CATSPERZ: variants seen among roughly 807,000 people sequenced by gnomAD.
The protein encoded by CATSPERZ is cation channel sperm-associated auxiliary subunit zeta.
CATSPERZ carries 21 observed loss-of-function variants against 21.7 expected under a neutral mutation model. The ratio of observed to expected loss-of-function variants is 0.97; its 90% CI spans 0.69 to 1.39. CATSPERZ has a LOEUF of 1.39. Among genes scored for constraint, CATSPERZ ranks in the 40% most tolerant of loss-of-function variants. The pLI is 0.00. For synonymous variants in CATSPERZ, 127 were observed against 108.7 expected, an observed-to-expected ratio of 1.17 and a Z score of -1.05; for missense variants, 234 against 259.5, an observed-to-expected ratio of 0.90 and a Z score of 0.68.
In CATSPERZ at chr11:64,304,618, G is replaced by C; in HGVS notation, c.575G>C (p.Arg192Pro). ...CGATACATCGAAGGGCTCAAGAAGC[G>C]CCGGAGCAAGAGGCTGTACGTGAAT... is the stretch of plus-strand genomic sequence containing the variant. ...LQRYIEGLKK[R>P]RSKRLYVN Residue 192 changes from arginine (R) to proline (P), a missense_variant, in exon 5 of 5, where the codon CGC (arginine) becomes CCC (proline). Transcript: ENST00000328404. 1.3e-6 allele frequency: 2 copies of C among 1,579,700 alleles called. No homozygotes were observed. The highest frequency in any genetic ancestry group is 1.7e-6 in the Non-Finnish European group (2 of 1,163,664).
chr11:64,301,118 C>T, intron 2 of CATSPERZ, 131 bp downstream of exon 2: 5 of 938,454 alleles, frequency 5.3e-6, no homozygotes. Flanking sequence ...GAGAGGCGCC[C>T]GCGCCAATCT....
Position 64,300,778 on chromosome 11 carries a change from T to G in CATSPERZ, c.143T>G (p.Val48Gly). 1 of 1,554,550 alleles carries G rather than the reference T, an allele frequency of 6.4e-7. No homozygotes were observed. The highest frequency in any genetic ancestry group is 1.4e-5 in the African/African-American group (1 of 73,268). ...CAGCTGAACATGCCGCTGTCCGAGG[T>G]CTGCGAGGGCTTCGACGAGGAGGGC... Reference protein sequence around the residue: ...QAQLNMPLSEVCEGFDEEGRN... With the variant: ...QAQLNMPLSEGCEGFDEEGRN... Residue 48 changes from valine to glycine, a missense_variant, in exon 2 of 5, where the codon GTC becomes GGC. By Grantham distance (109) the Val-to-Gly change is moderately radical. Coordinates refer to ENST00000328404, the MANE Select transcript of CATSPERZ (RefSeq NM_001039496.2).
intron 3 of CATSPERZ, 62 bp from the exon 4 acceptor site, chr11:64,303,711 G>A (rs1591235714): frequency 2.0e-6 from 3 of 1,532,504 alleles, no homozygotes; most frequent in Non-Finnish European, 2.7e-6. Flanking sequence ...GGAGGTGGGG[G>A]CATTTCAGCT....
chr11:64,302,895 T>C (rs2034950043), intron 2 of CATSPERZ, among the ~76,000 whole-genome samples: 3 of 148,088 alleles, frequency 2.0e-5, no homozygotes, highest in Non-Finnish European at 4.5e-5. Flanking sequence ...TCTTTTTTTT[T>C]TTTTTTTTTT....
chr11:64,303,557 G>C lies in CATSPERZ; in HGVS notation c.428G>C (p.Ser143Thr), dbSNP rs776464125. The C allele has an allele frequency of 6.2e-7, 1 of 1,613,216 alleles. No homozygotes were observed. Among genetic ancestry groups the C allele is most frequent in the East Asian group, 2.2e-5 (1 of 44,880 alleles). Residue 143 changes from serine (S) to threonine (T), a missense_variant, in exon 3 of 5, where the codon AGC (serine) becomes ACC (threonine). Coordinates refer to ENST00000328404, the MANE Select transcript of CATSPERZ (RefSeq NM_001039496.2). ...PHRAYWAEQQ[S>T]RLPLPLMELM... Reference sequence around the variant, plus strand: ...CGAGCCTACTGGGCAGAGCAGCAGAGCAGGGTTGGAGGGGCTGGGGAGACT... The same window carrying C: ...CGAGCCTACTGGGCAGAGCAGCAGACCAGGGTTGGAGGGGCTGGGGAGACT...
chr11:64,304,625 C>A lies in CATSPERZ; in HGVS notation c.582C>A (p.Ser194Arg), dbSNP rs1271151860. 6.3e-7 allele frequency: 1 copy of A among 1,576,702 alleles called. No homozygotes were observed. The highest frequency in any genetic ancestry group is 2.3e-5 in the East Asian group (1 of 42,648). ...TCGAAGGGCTCAAGAAGCGCCGGAG[C>A]AAGAGGCTGTACGTGAATTAAAAAC... ...RYIEGLKKRR[S>R]KRLYVN The change falls in exon 5 of 5, where the codon AGC becomes AGA. Residue 194 changes from serine (S) to arginine (R), a missense_variant. Physicochemically the swap from Ser to Arg is moderately radical, Grantham distance 110. Transcript: ENST00000328404.
In CATSPERZ at chr11:64,300,611, C is replaced by G. The variant is rs909561710; in HGVS notation, c.22-46C>G. ...CCCCAGCCCGCTCTTCCTTCCCGCTCCAGCCATCCGCGACCCTTGGCTCCC... is the reference window on the plus strand; with the variant it reads ...CCCCAGCCCGCTCTTCCTTCCCGCTGCAGCCATCCGCGACCCTTGGCTCCC... On this transcript the variant is annotated intron_variant, in intron 1 of 4. Transcript: ENST00000328404. 2.6e-6 allele frequency: 4 copies of G among 1,514,042 alleles called. No homozygotes were observed. The East Asian group carries it at 9.9e-5, about 37-fold the overall frequency. The allele number at this position is 1,514,042 out of a possible 1,614,324, so 93.8% of individuals were successfully genotyped here.
Position 64,300,719 on chromosome 11 carries a change from G to A in CATSPERZ, c.84G>A (p.Arg28=). 6.4e-7 allele frequency: 1 copy of A among 1,551,084 alleles called. No individual in the cohort carries two copies. Among genetic ancestry groups the A allele is most frequent in the Non-Finnish European group, 8.7e-7 (1 of 1,147,196 alleles). The change falls in exon 2 of 5, where the codon CGG becomes CGA. Residue 28 remains arginine, a synonymous_variant. Coordinates refer to ENST00000328404, the MANE Select transcript of CATSPERZ (RefSeq NM_001039496.2). The part of the protein sequence containing the change: ...SDEESVHSDT[R]DLWTTTTLSQ... Reference sequence around the variant, plus strand: ...AGGAGAGCGTGCATAGCGACACTCGGGACCTGTGGACCACGACCACGCTGT... The same window carrying A: ...AGGAGAGCGTGCATAGCGACACTCGAGACCTGTGGACCACGACCACGCTGT...
At chr11:64,304,025 G>A (rs940180221) in intron 4 of CATSPERZ, among the ~76,000 whole-genome samples, 186 bp downstream of exon 4, 3 of 152,178 alleles carry the variant, frequency 2.0e-5, no homozygotes, top group Non-Finnish European at 2.9e-5. Flanking sequence ...AGACCCAGTG[G>A]GGGACATGTG....
Position 64,303,537 on chromosome 11 carries a change from C to A in CATSPERZ, c.408C>A (p.Ala136=). The A allele has an allele frequency of 6.2e-7, 1 of 1,613,504 alleles. No homozygotes were observed. Among genetic ancestry groups the A allele is most frequent in the Non-Finnish European group, 8.5e-7 (1 of 1,179,780 alleles). The change falls in exon 3 of 5, where the codon GCC becomes GCA. Residue 136 remains alanine, a synonymous_variant. Transcript: ENST00000328404. The part of the protein sequence containing the change: ...LNIAKHMPHR[A]YWAEQQSRLP... ...TTGCGAAGCACATGCCCCATCGAGC[C>A]TACTGGGCAGAGCAGCAGAGCAGGG...
Position 64,304,676 on chromosome 11 carries a change from C to T in CATSPERZ, c.*30C>T. On this transcript the variant is annotated 3_prime_UTR_variant, in exon 5 of 5. Transcript: ENST00000328404. Reference sequence around the variant, plus strand: ...GCCACCTTGGGCTCGAGCAGCGACCCGAACCAGCCCCGTGCCAGCCCGGTC... The same window carrying T: ...GCCACCTTGGGCTCGAGCAGCGACCTGAACCAGCCCCGTGCCAGCCCGGTC... 1 of 1,541,968 alleles carries T rather than the reference C, an allele frequency of 6.5e-7. No homozygotes were observed. Among genetic ancestry groups the T allele is most frequent in the Admixed American group, 2.0e-5 (1 of 50,932 alleles).
chr11:64,304,584 G>A lies in CATSPERZ; in HGVS notation c.541G>A (p.Glu181Lys), dbSNP rs200513166. The change falls in exon 5 of 5, where the codon GAG (glutamate) becomes AAG (lysine). Residue 181 changes from glutamate (E) to lysine (K), a missense_variant. Coordinates refer to ENST00000328404, the MANE Select transcript of CATSPERZ (RefSeq NM_001039496.2). ...CGGCAGGGACCACTTCCTGACTAAG[G>A]AGCTGCAGCGATACATCGAAGGGCT... ...GIGRDHFLTK[E>K]LQRYIEGLKK... 1.8e-4 allele frequency: 286 copies of A among 1,587,852 alleles called. 1 individual carries two copies. In the African/African-American group the frequency reaches 3.3e-3, roughly 18 times the overall value.
In CATSPERZ at chr11:64,301,937, T is replaced by C. The variant is rs1021770895; in HGVS notation, c.352+950T>C. 3.3e-5 allele frequency among the ~76,000 whole-genome samples: 5 copies of C among 152,306 alleles called. No homozygotes were observed. The East Asian group carries it at 9.6e-4, about 29-fold the overall frequency. On this transcript the variant is annotated intron_variant, in intron 2 of 4. Transcript: ENST00000328404. Reference sequence around the variant, plus strand: ...CCTCCTGCTTCGGCTTCCCAAAGTATTGGGATTACAAGTGTGAGCCACCAT... The same window carrying C: ...CCTCCTGCTTCGGCTTCCCAAAGTACTGGGATTACAAGTGTGAGCCACCAT...
chr11:64,302,107 C>T (rs1175232170), intron 2 of CATSPERZ, among the ~76,000 whole-genome samples: 1 of 152,190 alleles, frequency 6.6e-6, no homozygotes, highest in Non-Finnish European at 1.5e-5. Context: ...CTACTACGTG[C>T]TGGGCACTGT....
rs1347993038 is a variant in CATSPERZ, at chr11:64,303,471, T to C, written c.353-11T>C. 1 of 1,610,214 alleles carries C rather than the reference T, an allele frequency of 6.2e-7. No individual in the cohort carries two copies. Among genetic ancestry groups the C allele is most frequent in the East Asian group, 2.2e-5 (1 of 44,836 alleles). ...TCTGCGGATGACTAACCCTTTTTTC[T>C]CTTCTCCCAGAAAAGTCTTCCTCAA... On this transcript the variant is annotated splice_polypyrimidine_tract_variant and intron_variant, in intron 2 of 4. Coordinates refer to ENST00000328404, the MANE Select transcript of CATSPERZ (RefSeq NM_001039496.2).
chr11:64,304,531 C>T lies in CATSPERZ; in HGVS notation c.500-12C>T. On this transcript the variant is annotated splice_polypyrimidine_tract_variant and intron_variant, in intron 4 of 4. Coordinates refer to ENST00000328404, the MANE Select transcript of CATSPERZ (RefSeq NM_001039496.2). ...GCTCACTGCCCTGAGCCGAGCTCTG[C>T]CCTCCTCCTAGGCTACCAGTTAGGG... is the stretch of plus-strand genomic sequence containing the variant. 1 of 1,569,570 alleles carries T rather than the reference C, an allele frequency of 6.4e-7. No homozygotes were observed. Among genetic ancestry groups the T allele is most frequent in the African/African-American group, 1.4e-5 (1 of 73,758 alleles).
chr11:64,302,886 CTT>C (rs71045759), intron 2 of CATSPERZ, among the ~76,000 whole-genome samples: 63,719 of 122,772 alleles, frequency 0.52, 16,975 homozygotes, highest in Non-Finnish European at 0.64. Flanking sequence ...AAGAGCTGTT[CTT>C]TTTTTTTTTT....
chr11:64,302,260 CTATTTATTTTTTATT>C (rs1274475255), intron 2 of CATSPERZ, among the ~76,000 whole-genome samples: 2 of 152,130 alleles, frequency 1.3e-5, no homozygotes, highest in Admixed American at 1.3e-4. Flanking sequence ...CCATAAAGAG[CTATTTATTTTTTATT>C]TATTTATTTT....
At chr11:64,303,391 A>G in intron 2 of CATSPERZ, 91 bp from the exon 3 acceptor site, 1 of 1,053,194 alleles carries the variant, frequency 9.5e-7, no homozygotes, top group East Asian at 2.6e-5. Flanking sequence ...TCTGAAGGCC[A>G]TTCCCTCTCA....
Sources: allele counts gnomAD v4.1 joint callset (sites outside exome capture counted in the v4.1 genomes callset), GRCh38; gene constraint gnomAD v4.1.1; transcripts MANE v1.5; gene names NCBI Gene and HGNC (gene_info 2026-07-23, HGNC 2026-07-21).